LGSN: variants seen among roughly 807,000 people sequenced by gnomAD.
LGSN encodes lengsin.
Under a neutral mutation model 19.5 loss-of-function variants are expected in LGSN, and 21 were observed. The observed-to-expected ratio is 1.07, with a 90% CI of 0.76 to 1.55. LGSN has a LOEUF of 1.55. Among genes scored for constraint, LGSN ranks in the 40% most tolerant of loss-of-function variants. The pLI is 0.00. For missense variants in LGSN, 673 were observed against 608.5 expected (o/e 1.11, Z -1.12); for synonymous variants, 257 against 215.6 (o/e 1.19, Z -1.68).
the LGSN span, among the ~76,000 whole-genome samples, chr6:63,368,170 T>C: frequency 3.3e-5 from 5 of 152,100 alleles, no homozygotes; most frequent in Non-Finnish European, 7.4e-5. Context: ...TTCGTTGTTT[T>C]TTCCTGACTG....
the LGSN span, among the ~76,000 whole-genome samples, chr6:63,455,705 G>A: frequency 1.3e-5 from 2 of 152,000 alleles, no homozygotes; most frequent in Non-Finnish European, 2.9e-5. Flanking sequence ...AGTGAGCTGA[G>A]ATCGCATCAT....
At chr6:63,405,951 G>C in the LGSN span, among the ~76,000 whole-genome samples, 17,506 of 152,092 alleles carry the variant, frequency 0.12, 2,005 homozygotes, top group African/African-American at 0.3. Context: ...TAATGGTAAA[G>C]GGATCAATTC....
chr6:63,280,520 C>G lies in LGSN; in HGVS notation c.1031G>C (p.Trp344Ser). ...AGAGTGCTTCAAGAGTCCTGCCAAC[C>G]ATTTTTTCCCAGTGATCGTGAGCTG... Reference protein sequence around the residue: ...TEQLTITGKKWLAGLLKHSAA... With the variant: ...TEQLTITGKKSLAGLLKHSAA... The change falls in exon 4 of 4, where the codon TGG becomes TCG. Residue 344 changes from tryptophan to serine, a missense_variant. By Grantham distance (177) the Trp-to-Ser change is radical. Coordinates refer to ENST00000370657, the MANE Select transcript of LGSN (RefSeq NM_016571.3). The G allele has an allele frequency of 6.2e-7, 1 of 1,614,088 alleles. No individual in the cohort carries two copies. The highest frequency in any genetic ancestry group is 8.5e-7 in the Non-Finnish European group (1 of 1,180,034).
At chr6:63,368,221 T>C in the LGSN span, among the ~76,000 whole-genome samples, 17,938 of 152,110 alleles carry the variant, frequency 0.12, 2,220 homozygotes, top group African/African-American at 0.31. Context: ...CTAAAGTGCA[T>C]CTTACAACAA....
At chr6:63,549,047 C>T in the LGSN span, 65 of 723,802 alleles carry the variant, frequency 9.0e-5, no homozygotes, top group Non-Finnish European at 1.4e-4. Context: ...CAATCACCAC[C>T]GGCTGAGCTT....
chr6:63,460,785 G>A, the LGSN span, among the ~76,000 whole-genome samples: 1 of 152,162 alleles, frequency 6.6e-6, no homozygotes, highest in African/African-American at 2.4e-5. Context: ...CCAAAAATTA[G>A]GAGTGTGTTC....
the LGSN span, among the ~76,000 whole-genome samples, chr6:63,398,064 C>T: frequency 8.5e-5 from 13 of 152,070 alleles, no homozygotes; most frequent in Non-Finnish European, 1.5e-4. Context: ...CTGGTGTGAA[C>T]AAACCTACTG....
chr6:63,472,981 AT>A, the LGSN span, among the ~76,000 whole-genome samples: 21 of 150,796 alleles, frequency 1.4e-4, no homozygotes, highest in Admixed American at 2.0e-4. Context: ...AAATAAATAA[AT>A]TTTTTTTTGC....
chr6:63,456,391 A>ATATATATATG, the LGSN span, among the ~76,000 whole-genome samples: 3 of 110,446 alleles, frequency 2.7e-5, no homozygotes, highest in Non-Finnish European at 5.2e-5. Flanking sequence ...ATATATATAT[A>ATATATATATG]TACTTTTTTT....
At chr6:63,345,906 C>G in the LGSN span, among the ~76,000 whole-genome samples, 1 of 152,200 alleles carries the variant, frequency 6.6e-6, no homozygotes, top group Non-Finnish European at 1.5e-5. Context: ...TTTTCATAAA[C>G]TAAATTTTCA....
At chr6:63,451,514 T>C in the LGSN span, among the ~76,000 whole-genome samples, 2 of 152,134 alleles carry the variant, frequency 1.3e-5, no homozygotes, top group African/African-American at 2.4e-5. Flanking sequence ...ACCACATAGT[T>C]GTAGCTCTCA....
the LGSN span, among the ~76,000 whole-genome samples, chr6:63,541,010 G>A: frequency 0.092 from 12,857 of 139,866 alleles, 625 homozygotes; most frequent in East Asian, 0.16. Context: ...CAAAAAAAAG[G>A]AAGGAGGGAA....
the LGSN span, among the ~76,000 whole-genome samples, chr6:63,394,049 C>G: frequency 2.6e-5 from 4 of 152,160 alleles, no homozygotes; most frequent in African/African-American, 9.7e-5. Context: ...GGGCGGATCA[C>G]CTGAGGTCAG....
intron 1 of LGSN, among the ~76,000 whole-genome samples, chr6:63,318,886 AC>A (rs1312198249): frequency 6.6e-6 from 1 of 152,224 alleles, no homozygotes; most frequent in African/African-American, 2.4e-5. Context: ...AATTACCTTT[AC>A]TTTCTTTCTA....
chr6:63,470,401 G>A, the LGSN span, among the ~76,000 whole-genome samples: 1 of 151,864 alleles, frequency 6.6e-6, no homozygotes, highest in Admixed American at 6.6e-5. Flanking sequence ...TTGAACCCAG[G>A]CGGCGGAGGT....
At chr6:63,370,950 CTG>C in the LGSN span, among the ~76,000 whole-genome samples, 1 of 152,162 alleles carries the variant, frequency 6.6e-6, no homozygotes, top group Non-Finnish European at 1.5e-5. Context: ...ATAGCTGGCC[CTG>C]CTTGTGAAAC....
At chr6:63,365,841 A>G in the LGSN span, among the ~76,000 whole-genome samples, 1 of 152,362 alleles carries the variant, frequency 6.6e-6, no homozygotes, top group Admixed American at 6.5e-5. Context: ...AAAAAAATAC[A>G]TGATTATCTC....
At chr6:63,390,505 G>T in the LGSN span, among the ~76,000 whole-genome samples, 1 of 151,700 alleles carries the variant, frequency 6.6e-6, no homozygotes, top group Non-Finnish European at 1.5e-5. Context: ...TTCATTGTCA[G>T]ATTTTTTTTT....
the LGSN span, among the ~76,000 whole-genome samples, chr6:63,350,882 G>A: frequency 3.3e-5 from 5 of 151,090 alleles, no homozygotes; most frequent in Non-Finnish European, 5.9e-5. Flanking sequence ...GAGTTCAGAC[G>A]ACCAATTGGT....
Sources: gnomAD v4.1 joint callset for allele counts (sites outside exome capture counted in the v4.1 genomes callset) on GRCh38, gnomAD v4.1.1 for gene constraint, MANE v1.5 for transcripts, NCBI Gene and HGNC (gene_info 2026-07-23, HGNC 2026-07-21) for gene names.